Variants in CHST9 observed in about 807,000 individuals in gnomAD.
The protein encoded by CHST9 is carbohydrate sulfotransferase 9.
A neutral mutation model predicts 44.4 loss-of-function variants in CHST9; 41 were observed. The observed-to-expected ratio is 0.92, with a 90% CI of 0.72 to 1.20. CHST9 has a LOEUF of 1.20. CHST9 is among the 50% of genes most tolerant of loss of function. The pLI, the probability that CHST9 is intolerant of heterozygous loss-of-function variation, is 0.00. For synonymous variants in CHST9, 171 were observed against 178.4 expected (o/e 0.96, Z 0.33); for missense variants, 504 against 516.5 (o/e 0.98, Z 0.23).
At chr18:26,928,827 G>T (rs1299368917) in intron 5 of CHST9, among the ~76,000 whole-genome samples, 2 of 152,198 alleles carry the variant, frequency 1.3e-5, no homozygotes, top group Non-Finnish European at 2.9e-5. Flanking sequence ...ACTCACTCAG[G>T]CAGAGTCACA....
chr18:27,162,845 T>C (rs1339991082), intron 1 of CHST9, among the ~76,000 whole-genome samples: 1 of 152,244 alleles, frequency 6.6e-6, no homozygotes, highest in African/African-American at 2.4e-5. Context: ...CTTTGTTCCG[T>C]TGCTGGTGAG....
rs1316957084 is a variant in CHST9 at position 26,909,526 on chromosome 18, G to A, written c.*6733C>T. The A allele has an allele frequency of 6.6e-6, 1 of 152,128 alleles. No individual in the cohort carries two copies. The highest frequency in any genetic ancestry group is 1.5e-5 in the Non-Finnish European group (1 of 68,028). The allele number at this position is 152,128 out of a possible 1,614,324, so 9.4% of individuals were successfully genotyped here. A position where few individuals can be genotyped will look rare whatever the true frequency, so the allele number is the denominator to read the frequency against. On this transcript the variant is annotated 3_prime_UTR_variant, in exon 6 of 6. Transcript: ENST00000618847. ...TTATTTTTTCCTAAGGATAATCACA[G>A]TCAAACAAATAATATTGTTCTTTTA...
chr18:27,053,285 G>GAA (rs1568151352), intron 2 of CHST9, among the ~76,000 whole-genome samples: 24 of 135,336 alleles, frequency 1.8e-4, no homozygotes, highest in African/African-American at 5.3e-4. Flanking sequence ...AGAAGGAGAA[G>GAA]GAGAAGGAGA....
intron 5 of CHST9, among the ~76,000 whole-genome samples, chr18:26,933,935 T>TA (rs143751997): frequency 0.06 from 9,089 of 152,236 alleles, 393 homozygotes; most frequent in South Asian, 0.16. Flanking sequence ...GAGAAGCTAC[T>TA]AGGGCTGAGA....
chr18:27,172,909 A>C (rs2058843477), intron 1 of CHST9, among the ~76,000 whole-genome samples: 1 of 152,002 alleles, frequency 6.6e-6, no homozygotes, highest in Non-Finnish European at 1.5e-5. Context: ...CATATACCAA[A>C]AGGCACCAAT....
chr18:26,923,963 T>C (rs941965466), intron 5 of CHST9, among the ~76,000 whole-genome samples: 3 of 152,124 alleles, frequency 2.0e-5, no homozygotes, highest in East Asian at 1.9e-4. Flanking sequence ...TCGAGTCTGC[T>C]TGGGGGCCAG....
chr18:27,030,658 C>T (rs2057330862), intron 3 of CHST9, among the ~76,000 whole-genome samples: 1 of 152,160 alleles, frequency 6.6e-6, no homozygotes, highest in African/African-American at 2.4e-5. Flanking sequence ...CAGGAGAATC[C>T]AGCACTTTAG....
intron 5 of CHST9, chr18:26,933,859 TAGA>T (rs1381405129): frequency 6.5e-6 from 1 of 153,262 alleles, no homozygotes; most frequent in East Asian, 1.9e-4. Context: ...AGTAATGCAA[TAGA>T]AGATGTCAGA....
At chr18:27,131,983 A>C (rs2058475781) in intron 2 of CHST9, among the ~76,000 whole-genome samples, 1 of 152,164 alleles carries the variant, frequency 6.6e-6, no homozygotes, top group Non-Finnish European at 1.5e-5. Context: ...TTCATGTATT[A>C]ATTTATGTCT....
intron 2 of CHST9, among the ~76,000 whole-genome samples, chr18:27,080,750 GATGGGAGAA>G (rs1227466460): frequency 5.9e-5 from 9 of 152,332 alleles, no homozygotes; most frequent in African/African-American, 1.9e-4. Flanking sequence ...CTGGAAAGAA[GATGGGAGAA>G]ATGGCAGAAT....
At chr18:27,040,998 T>C (rs1298815078) in intron 3 of CHST9, among the ~76,000 whole-genome samples, 1 of 152,170 alleles carries the variant, frequency 6.6e-6, no homozygotes, top group East Asian at 1.9e-4. Flanking sequence ...TTACCTAGAA[T>C]GCTCAATTAC....
At chr18:27,094,742 A>G (rs900849326) in intron 2 of CHST9, among the ~76,000 whole-genome samples, 1 of 152,186 alleles carries the variant, frequency 6.6e-6, no homozygotes, top group African/African-American at 2.4e-5. Flanking sequence ...GCAACCTAAC[A>G]AAGTTCAAAC....
At chr18:26,944,274 T>A (rs1197386633) in intron 5 of CHST9, 55 bp downstream of exon 5, 1 of 1,329,352 alleles carries the variant, frequency 7.5e-7, no homozygotes, top group Non-Finnish European at 1.1e-6. Context: ...TTACACATGT[T>A]TATTAACATT....
chr18:26,969,539 G>A (rs1231141053), intron 4 of CHST9, among the ~76,000 whole-genome samples: 1 of 152,072 alleles, frequency 6.6e-6, no homozygotes, highest in Non-Finnish European at 1.5e-5. Flanking sequence ...AAAACCGACC[G>A]GGCTAGGCAC....
chr18:26,983,197 G>A (rs916722743), intron 4 of CHST9, among the ~76,000 whole-genome samples: 8 of 152,178 alleles, frequency 5.3e-5, no homozygotes, highest in Non-Finnish European at 8.8e-5. Context: ...AGACCAGTGT[G>A]TTTCAAATTT....
intron 2 of CHST9, among the ~76,000 whole-genome samples, chr18:27,073,336 A>G (rs2057862317): frequency 7.0e-6 from 1 of 143,154 alleles, no homozygotes; most frequent in South Asian, 2.2e-4. Flanking sequence ...ACAACCCAGG[A>G]TAAGAATGAT....
chr18:27,038,210 T>C (rs901330102), intron 3 of CHST9, among the ~76,000 whole-genome samples: 1 of 152,192 alleles, frequency 6.6e-6, no homozygotes, highest in African/African-American at 2.4e-5. Context: ...CATGTCTTAC[T>C]TTAAAAAATA....
chr18:27,106,984 A>G (rs2058226954), intron 2 of CHST9, among the ~76,000 whole-genome samples: 2 of 152,166 alleles, frequency 1.3e-5, no homozygotes, highest in Non-Finnish European at 2.9e-5. Context: ...ATGCTGGACA[A>G]TCTGTGACCG....
chr18:27,102,958 G>A (rs2058188127), intron 2 of CHST9, among the ~76,000 whole-genome samples: 1 of 152,082 alleles, frequency 6.6e-6, no homozygotes, highest in Non-Finnish European at 1.5e-5. Context: ...TGGGCCATTT[G>A]TTTGTCATTG....
Sources: gnomAD v4.1 joint callset for allele counts (sites outside exome capture counted in the v4.1 genomes callset) on GRCh38, gnomAD v4.1.1 for gene constraint, MANE v1.5 for transcripts, NCBI Gene and HGNC (gene_info 2026-07-23, HGNC 2026-07-21) for gene names.